Variants in IL21 observed in about 807,000 individuals in gnomAD.
The protein encoded by IL21 is interleukin 21, also known as interleukin-21.
Under a neutral mutation model 18.4 loss-of-function variants are expected in IL21, and 3 were observed. That is an observed-to-expected ratio of 0.16 (90% confidence interval 0.07 to 0.42). The LOEUF (loss-of-function observed/expected upper bound fraction) is 0.42. Among genes scored for constraint, IL21 ranks in the 10% least tolerant of loss-of-function variants. IL21 has a pLI of 0.99. For synonymous variants in IL21, 37 were observed against 62.0 expected (o/e 0.60, Z 1.90); for missense variants, 130 against 188.4 (o/e 0.69, Z 1.81).
intron 3 of IL21, among the ~76,000 whole-genome samples, chr4:122,613,775 A>C (rs1799297848): frequency 6.6e-6 from 1 of 152,226 alleles, no homozygotes; most frequent in African/African-American, 2.4e-5. Context: ...AAGGGATAAA[A>C]ATTTTAAGGC....
intron 2 of IL21, 109 bp from the exon 3 acceptor site, chr4:122,615,946 C>G (rs1431867298): frequency 1.1e-5 from 10 of 893,480 alleles, no homozygotes; most frequent in Non-Finnish European, 1.7e-5. Flanking sequence ...TGCATTACAT[C>G]GTTTCAACAG....
At chr4:122,616,384 G>T (rs899661952) in intron 2 of IL21, among the ~76,000 whole-genome samples, 3 of 152,164 alleles carry the variant, frequency 2.0e-5, no homozygotes, top group African/African-American at 7.2e-5. Context: ...TGAAGAAAAT[G>T]AATTAAAGCC....
chr4:122,613,671 T>C (rs1799296010), intron 3 of IL21, among the ~76,000 whole-genome samples: 1 of 152,128 alleles, frequency 6.6e-6, no homozygotes, highest in African/African-American at 2.4e-5. Flanking sequence ...TTTTTATTTT[T>C]GTCTACATTA....
chr4:122,620,620 A>G (rs1315414252), intron 2 of IL21, 81 bp downstream of exon 2: 35 of 1,165,806 alleles, frequency 3.0e-5, no homozygotes, highest in South Asian at 9.2e-5. Flanking sequence ...ATACTCCTAT[A>G]TAATCATGCT....
intron 3 of IL21, among the ~76,000 whole-genome samples, chr4:122,614,568 G>A (rs187352759): frequency 3.9e-5 from 6 of 151,944 alleles, no homozygotes; most frequent in Non-Finnish European, 5.9e-5. Flanking sequence ...TTAGCCAGGC[G>A]TGATGGTGTG....
chr4:122,618,747 A>G (rs928564706), intron 2 of IL21, among the ~76,000 whole-genome samples: 2 of 135,860 alleles, frequency 1.5e-5, no homozygotes, highest in Admixed American at 1.8e-4. Context: ...CAGAGGTTGC[A>G]GTGAGCTGAG....
chr4:122,614,596 A>C (rs949339296), intron 3 of IL21, among the ~76,000 whole-genome samples: 4 of 152,014 alleles, frequency 2.6e-5, no homozygotes, highest in Non-Finnish European at 5.9e-5. Flanking sequence ...AGTTCCAGCT[A>C]CTTGGGAGGC....
At chr4:122,618,321 A>G (rs1266062512) in intron 2 of IL21, among the ~76,000 whole-genome samples, 1 of 149,426 alleles carries the variant, frequency 6.7e-6, no homozygotes, top group Non-Finnish European at 1.5e-5. Flanking sequence ...ATGTCTCACT[A>G]TTTTGCCCAG....
At chr4:122,618,310 G>T (rs1198853950) in intron 2 of IL21, among the ~76,000 whole-genome samples, 1 of 151,108 alleles carries the variant, frequency 6.6e-6, no homozygotes, top group Non-Finnish European at 1.5e-5. Flanking sequence ...GTAGAAACAG[G>T]ATGTCTCACT....
intron 3 of IL21, among the ~76,000 whole-genome samples, chr4:122,614,819 A>G (rs978006649): frequency 6.6e-6 from 1 of 152,220 alleles, no homozygotes; most frequent in Non-Finnish European, 1.5e-5. Context: ...TGGCATATAC[A>G]AGAGGATCTC....
chr4:122,620,763 G>A lies in IL21; in HGVS notation c.169-27C>T, dbSNP rs201093583. On this transcript the variant is annotated intron_variant, in intron 1 of 4. Transcript: ENST00000648588. ...TAGAGCAAAAGAAAATTTGTTCTGAGTTATTTTTATAAGCCAAACCCTCCT... is the reference window on the plus strand; with the variant it reads ...TAGAGCAAAAGAAAATTTGTTCTGAATTATTTTTATAAGCCAAACCCTCCT... 4.3e-6 allele frequency: 7 copies of A among 1,613,190 alleles called. No homozygotes were observed. In the South Asian group the frequency reaches 5.5e-5, roughly 13 times the overall value.
chr4:122,614,725 G>T (rs950378548), intron 3 of IL21, among the ~76,000 whole-genome samples: 24 of 151,918 alleles, frequency 1.6e-4, no homozygotes, highest in African/African-American at 4.4e-4. Flanking sequence ...AATTTTTTTT[G>T]AGAGTAATTT....
intron 3 of IL21, among the ~76,000 whole-genome samples, chr4:122,614,126 T>C (rs1799302951): frequency 6.6e-6 from 1 of 152,186 alleles, no homozygotes; most frequent in Non-Finnish European, 1.5e-5. Context: ...TCTGACACTA[T>C]TTATGGAACT....
At chr4:122,619,437 C>A (rs1799391705) in intron 2 of IL21, 1 of 152,146 alleles carries the variant, frequency 6.6e-6, no homozygotes, top group Non-Finnish European at 1.5e-5. Flanking sequence ...TAAAAAATAT[C>A]TTTCATTAAC....
At position 122,612,921 on chromosome 4, in the gene IL21, G is replaced by T; in HGVS notation, c.368C>A (p.Pro123His). 1 of 1,594,370 alleles carries T rather than the reference G, an allele frequency of 6.3e-7. No homozygotes were observed. Among genetic ancestry groups the T allele is most frequent in the South Asian group, 1.1e-5 (1 of 89,140 alleles). The change falls in exon 4 of 5, where the codon CCT (proline) becomes CAT (histidine). Residue 123 changes from proline to histidine, a missense_variant. Pro to His is a moderately conservative substitution (Grantham distance 77, BLOSUM62 -2). Coordinates refer to ENST00000648588, the MANE Select transcript of IL21 (RefSeq NM_021803.4). ...TTTTTTCTCATAAGAATCACATGAA[G>T]GGCATGTCTAGAAATCAATGAAAAA... ...GRRQKHRLTC[P>H]SCDSYEKKPP...
rs1311679393 is a variant in IL21 at position 122,610,204 on chromosome 4, A to G, written c.*2506T>C. Reference sequence around the variant, plus strand: ...ATATATAATAAATAATTATTAAGTTATAAACTACATAGTTCATATTAGCTA... The same window carrying G: ...ATATATAATAAATAATTATTAAGTTGTAAACTACATAGTTCATATTAGCTA... On this transcript the variant is annotated 3_prime_UTR_variant, in exon 5 of 5. Coordinates refer to ENST00000648588, the MANE Select transcript of IL21 (RefSeq NM_021803.4). 6.6e-6 allele frequency among the ~76,000 whole-genome samples: 1 copy of G among 152,212 alleles called. No homozygotes were observed. The highest frequency in any genetic ancestry group is 1.9e-4 in the East Asian group (1 of 5,202).
Position 122,610,393 on chromosome 4 carries a change from CTCCT to C in IL21, c.*2313_*2316del, listed in dbSNP as rs907092299. Reference sequence around the variant, plus strand: ...CTATAATAATGTTTCCTTTTCTCCCCTCCTTCCTTCCTTCCTTTTTTTTCTTGGA... The same window carrying C: ...CTATAATAATGTTTCCTTTTCTCCCCTCCTTCCTTCCTTTTTTTTCTTGGA... On this transcript the variant is annotated 3_prime_UTR_variant, in exon 5 of 5. Transcript: ENST00000648588. Among the ~76,000 whole-genome samples the C allele has an allele frequency of 8.5e-5, 13 of 152,070 alleles. No homozygotes were observed. The highest frequency in any genetic ancestry group is 3.9e-4 in the East Asian group (2 of 5,172).
intron 2 of IL21, 106 bp from the exon 3 acceptor site, chr4:122,615,943 C>T (rs1799331666): frequency 1.1e-6 from 1 of 949,820 alleles, no homozygotes; most frequent in Non-Finnish European, 1.5e-6. Context: ...TCGTGCATTA[C>T]ATCGTTTCAA....
intron 2 of IL21, among the ~76,000 whole-genome samples, chr4:122,617,160 T>G (rs1039874422): frequency 6.6e-6 from 1 of 152,254 alleles, no homozygotes; most frequent in Non-Finnish European, 1.5e-5. Context: ...GGTTTCCTTA[T>G]ATCAAGGCAG....
Sources: allele counts gnomAD v4.1 joint callset (sites outside exome capture counted in the v4.1 genomes callset), GRCh38; gene constraint gnomAD v4.1.1; transcripts MANE v1.5; gene names NCBI Gene and HGNC (gene_info 2026-07-23, HGNC 2026-07-21).